Variants in TNR observed in about 807,000 individuals in gnomAD.
The protein encoded by TNR is tenascin R.
A neutral mutation model predicts 150.4 loss-of-function variants in TNR; 45 were observed. The observed-to-expected ratio is 0.30, with a 90% CI of 0.24 to 0.38. The LOEUF (loss-of-function observed/expected upper bound fraction) is 0.38. TNR is among the 10% of genes least tolerant of loss of function. The probability of loss-of-function intolerance (pLI) is 1.00; values close to 1 mark genes in which losing one functional copy is unlikely to be tolerated. For synonymous variants in TNR, 687 were observed against 678.4 expected (o/e 1.01, Z -0.20); for missense variants, 1,544 against 1,759.1 (o/e 0.88, Z 2.19).
chr1:175,336,145 C>A (rs113401868), intron 19 of TNR, among the ~76,000 whole-genome samples: 5 of 152,176 alleles, frequency 3.3e-5, no homozygotes, highest in Non-Finnish European at 7.3e-5. Flanking sequence ...GGCTCTCAAA[C>A]GAATCTTTTG....
intron 1 of TNR, among the ~76,000 whole-genome samples, chr1:175,586,749 A>G (rs1456522115): frequency 1.3e-5 from 2 of 152,212 alleles, no homozygotes; most frequent in Non-Finnish European, 2.9e-5. Context: ...GAAGAGTCAC[A>G]GAGCCACTGG....
At chr1:175,459,793 C>G (rs1432123873) in intron 2 of TNR, among the ~76,000 whole-genome samples, 1 of 152,132 alleles carries the variant, frequency 6.6e-6, no homozygotes, top group African/African-American at 2.4e-5. Context: ...AAACCCTAGC[C>G]AGCAATACTG....
At chr1:175,373,616 C>A (rs142312389) in intron 9 of TNR, among the ~76,000 whole-genome samples, 1 of 152,272 alleles carries the variant, frequency 6.6e-6, no homozygotes, top group Admixed American at 6.5e-5. Flanking sequence ...AAAAATAATA[C>A]TTCTAAGGCC....
At chr1:175,486,657 T>C (rs553449466) in intron 2 of TNR, among the ~76,000 whole-genome samples, 1 of 152,370 alleles carries the variant, frequency 6.6e-6, no homozygotes, top group South Asian at 2.1e-4. Flanking sequence ...GATTGCTGGG[T>C]CAAATAGTGT....
chr1:175,674,013 T>A (rs1665779341), intron 1 of TNR, among the ~76,000 whole-genome samples: 1 of 152,168 alleles, frequency 6.6e-6, no homozygotes, highest in South Asian at 2.1e-4. Flanking sequence ...CACTGTGGAA[T>A]AATAGTGCTG....
intron 1 of TNR, among the ~76,000 whole-genome samples, chr1:175,647,431 G>A (rs557984342): frequency 4.0e-5 from 5 of 125,688 alleles, no homozygotes; most frequent in African/African-American, 7.8e-5. Flanking sequence ...GTTACTATTC[G>A]GTGCAAAAAA....
Position 175,365,210 on chromosome 1 carries a change from T to C in TNR, c.2387A>G (p.Asp796Gly). The C allele has an allele frequency of 6.2e-7, 1 of 1,614,054 alleles. No homozygotes were observed. Reference sequence around the variant, plus strand: ...GAGTCTGTCTGCTGGGGGAGATGGATCACTCCAAGTGATGTTCACACTGGA... The same window carrying C: ...GAGTCTGTCTGCTGGGGGAGATGGACCACTCCAAGTGATGTTCACACTGGA... ...TSSSVNITWS[D>G]PSPPADRLIL... Residue 796 changes from aspartate (D) to glycine (G), a missense_variant, in exon 12 of 23, where the codon GAT (aspartate) becomes GGT (glycine). This residue lies in a region of TNR where 1,254 missense variants were observed against 1,329.4 expected (regional missense o/e 0.94). Coordinates refer to ENST00000367674, the MANE Select transcript of TNR (RefSeq NM_003285.3).
intron 2 of TNR, among the ~76,000 whole-genome samples, chr1:175,474,283 A>T (rs561296236): frequency 1.1e-4 from 17 of 152,178 alleles, no homozygotes; most frequent in Non-Finnish European, 2.2e-4. Context: ...GAGATGACTA[A>T]GTTCAAATGA....
chr1:175,389,063 T>A (rs367660362), intron 7 of TNR, among the ~76,000 whole-genome samples: 10 of 152,230 alleles, frequency 6.6e-5, no homozygotes, highest in Admixed American at 4.6e-4. Flanking sequence ...CAGGAATAAC[T>A]TGGGCACCTT....
intron 1 of TNR, among the ~76,000 whole-genome samples, chr1:175,651,169 T>TTCCCCACCTCATTACTACCCC (rs1347550467): frequency 1.1e-5 from 1 of 90,278 alleles, no homozygotes; most frequent in Non-Finnish European, 2.3e-5. Flanking sequence ...TTATTCCACC[T>TTCCCCACCTCATTACTACCCC]TCCCCACCTC....
chr1:175,523,047 C>T (rs1019521189), intron 2 of TNR, among the ~76,000 whole-genome samples: 2 of 152,204 alleles, frequency 1.3e-5, no homozygotes, highest in South Asian at 2.1e-4. Context: ...CATCATGCAG[C>T]GTGCTCTGCA....
intron 9 of TNR, among the ~76,000 whole-genome samples, chr1:175,375,809 T>TA (rs1298386612): frequency 6.6e-6 from 1 of 152,128 alleles, no homozygotes; most frequent in Non-Finnish European, 1.5e-5. Flanking sequence ...TTAATACCAA[T>TA]AAAAAATTGA....
chr1:175,385,552 TG>T (rs1652876283), intron 8 of TNR, among the ~76,000 whole-genome samples: 1 of 152,346 alleles, frequency 6.6e-6, no homozygotes, highest in Admixed American at 6.5e-5. Context: ...TTGTACAGGC[TG>T]GGCTTAGCAT....
chr1:175,331,078 C>CCTTCTTTCTTTCTTTCTTTCT (rs1649823861), intron 20 of TNR, among the ~76,000 whole-genome samples: 3 of 59,940 alleles, frequency 5.0e-5, no homozygotes, highest in Admixed American at 1.7e-4. Context: ...TCTTTCTTTC[C>CCTTCTTTCTTTCTTTCTTTCT]TTCTTTCTTT....
chr1:175,583,116 G>A (rs10913018), intron 1 of TNR, among the ~76,000 whole-genome samples: 15,340 of 152,178 alleles, frequency 0.1, 862 homozygotes, highest in Middle Eastern at 0.15. Flanking sequence ...CAACATGATA[G>A]GTATGGGCAA....
Position 175,321,947 on chromosome 1 carries a change from T to C in TNR, c.*1410A>G, listed in dbSNP as rs189879435. 67 of 152,236 alleles carry C rather than the reference T, an allele frequency of 4.4e-4. 1 individual carries two copies. Among genetic ancestry groups the C allele is most frequent in the Admixed American group, 2.2e-3 (33 of 15,294 alleles). The allele number at this position is 152,236 out of a possible 1,614,324, so 9.4% of individuals were successfully genotyped here. On this transcript the variant is annotated 3_prime_UTR_variant, in exon 23 of 23. Coordinates refer to ENST00000367674, the MANE Select transcript of TNR (RefSeq NM_003285.3). ...ATAGCTCTCTGGGCATATACCTTCT[T>C]CTCCTGACTCTTATTAAGCCACCTA...
chr1:175,660,960 C>G (rs1257113369), intron 1 of TNR, among the ~76,000 whole-genome samples: 1 of 152,192 alleles, frequency 6.6e-6, no homozygotes, highest in Non-Finnish European at 1.5e-5. Flanking sequence ...GCATTAATGT[C>G]TGGCACCCAC....
intron 1 of TNR, among the ~76,000 whole-genome samples, chr1:175,665,985 C>T (rs1665522079): frequency 6.6e-6 from 1 of 152,194 alleles, no homozygotes; most frequent in Admixed American, 6.5e-5. Context: ...TCATTCCATC[C>T]TCTTGGAAGG....
chr1:175,452,288 A>AAG (rs1255446291), intron 2 of TNR, among the ~76,000 whole-genome samples: 7 of 152,378 alleles, frequency 4.6e-5, no homozygotes, highest in Non-Finnish European at 1.0e-4. Flanking sequence ...GCAGTGAACA[A>AAG]AGCGCCCTGC....
Sources: gnomAD v4.1 joint callset for allele counts (sites outside exome capture counted in the v4.1 genomes callset) on GRCh38, gnomAD v4.1.1 for gene constraint, gnomAD v4.1.1 regional missense constraint, MANE v1.5 for transcripts, NCBI Gene and HGNC (gene_info 2026-07-23, HGNC 2026-07-21) for gene names.